Variants in MIB1 observed in about 807,000 individuals in gnomAD.
MIB1 encodes the protein MIB E3 ubiquitin protein ligase 1, also known as E3 ubiquitin-protein ligase MIB1.
Under a neutral mutation model 124.5 loss-of-function variants are expected in MIB1, and 278 were observed. The ratio of observed to expected loss-of-function variants is 2.23; its 90% confidence interval spans 2.02 to 2.47. MIB1 has a LOEUF of 2.47. MIB1 is among the 30% of genes most tolerant of loss of function. MIB1 has a pLI of 0.00. For missense variants in MIB1, 957 were observed against 1,254.4 expected, an observed-to-expected ratio of 0.76 and a Z score of 3.58; for synonymous variants, 446 against 429.4, an observed-to-expected ratio of 1.04 and a Z score of -0.48.
At chr18:21,796,482 G>A (rs760355402) in intron 7 of MIB1, among the ~76,000 whole-genome samples, 5 of 152,076 alleles carry the variant, frequency 3.3e-5, no homozygotes, top group Admixed American at 3.3e-4. Flanking sequence ...GTTGATAGGT[G>A]CAGCAGACCA....
At chr18:21,795,841 T>C (rs1568205339) in intron 7 of MIB1, among the ~76,000 whole-genome samples, 1 of 152,166 alleles carries the variant, frequency 6.6e-6, no homozygotes, top group Non-Finnish European at 1.5e-5. Flanking sequence ...TGTAGTAGCG[T>C]TGATATTGTT....
intron 1 of MIB1, among the ~76,000 whole-genome samples, chr18:21,728,524 A>G (rs1190460675): frequency 2.0e-5 from 3 of 152,002 alleles, no homozygotes; most frequent in Non-Finnish European, 2.9e-5. Flanking sequence ...CCCTAATCCA[A>G]TGTCTTCCTG....
intron 1 of MIB1, among the ~76,000 whole-genome samples, chr18:21,724,723 AAAAAATATATATATATATATATAT>A (rs1179557814): frequency 9.3e-5 from 5 of 53,866 alleles, no homozygotes; most frequent in Admixed American, 4.8e-4. Flanking sequence ...AAAAAAAAAA[AAAAAATATATATATATATATATAT>A]ATATATATAT....
intron 4 of MIB1, among the ~76,000 whole-genome samples, chr18:21,774,020 C>T (rs551661860): frequency 3.7e-4 from 56 of 152,112 alleles, no homozygotes; most frequent in Non-Finnish European, 6.6e-4. Context: ...CATTCCTTGA[C>T]GTGGATGGAC....
intron 10 of MIB1, among the ~76,000 whole-genome samples, chr18:21,814,391 CA>C (rs1274853676): frequency 7.0e-6 from 1 of 143,032 alleles, no homozygotes; most frequent in Non-Finnish European, 1.5e-5. Context: ...TTTTTTTTTT[CA>C]ATCACACAAC....
chr18:21,800,750 A>G (rs903481690), intron 9 of MIB1, among the ~76,000 whole-genome samples: 1 of 152,134 alleles, frequency 6.6e-6, no homozygotes, highest in Non-Finnish European at 1.5e-5. Context: ...CTATAATTGT[A>G]AAGTATTAAT....
intron 6 of MIB1, among the ~76,000 whole-genome samples, chr18:21,779,973 A>T (rs1020485522): frequency 1.3e-5 from 2 of 152,128 alleles, no homozygotes; most frequent in Admixed American, 1.3e-4. Flanking sequence ...AGGAGAATAC[A>T]TTATATCACT....
chr18:21,777,439 T>G (rs988021448), intron 4 of MIB1, among the ~76,000 whole-genome samples: 7 of 152,156 alleles, frequency 4.6e-5, no homozygotes, highest in Non-Finnish European at 8.8e-5. Context: ...GCTGTGCACA[T>G]TTCCAATAAT....
chr18:21,785,432 A>T (rs2041423951), intron 6 of MIB1, among the ~76,000 whole-genome samples: 1 of 152,228 alleles, frequency 6.6e-6, no homozygotes, highest in African/African-American at 2.4e-5. Flanking sequence ...TTATAGATAT[A>T]ACAAGTTATT....
intron 1 of MIB1, among the ~76,000 whole-genome samples, chr18:21,720,860 C>T (rs953089267): frequency 4.6e-5 from 7 of 152,074 alleles, no homozygotes; most frequent in African/African-American, 1.7e-4. Context: ...GAGGCTGAGG[C>T]AGGAGGATTG....
intron 3 of MIB1, among the ~76,000 whole-genome samples, chr18:21,769,458 C>T (rs747017653): frequency 3.3e-5 from 5 of 152,162 alleles, no homozygotes; most frequent in Admixed American, 1.3e-4. Context: ...ACATATTACA[C>T]GGCTGCAATC....
Position 21,863,240 on chromosome 18 carries a change from G to A in MIB1, c.2881-1286G>A, listed in dbSNP as rs144877242. Among the ~76,000 whole-genome samples, 31 of 152,310 alleles carry A rather than the reference G, an allele frequency of 2.0e-4. No individual in the cohort carries two copies. In the Middle Eastern group the frequency reaches 0.01, roughly 50 times the overall value. ...GTGCTCTCTTAGTTCTGCCGTCCAC[G>A]GACAGCGGTGTGTTATCAGCTCAGT... On this transcript the variant is annotated intron_variant, in intron 20 of 20. Transcript: ENST00000261537.
At chr18:21,772,811 G>C (rs2041237794) in intron 3 of MIB1, among the ~76,000 whole-genome samples, 1 of 152,126 alleles carries the variant, frequency 6.6e-6, no homozygotes, top group Non-Finnish European at 1.5e-5. Context: ...GATACTGTTG[G>C]AGGAGCAAAA....
chr18:21,801,000 T>A (rs1028739854), intron 9 of MIB1, among the ~76,000 whole-genome samples: 1 of 152,220 alleles, frequency 6.6e-6, no homozygotes, highest in African/African-American at 2.4e-5. Flanking sequence ...TAAATTATTT[T>A]AAAATTATTT....
chr18:21,843,313 C>A, intron 14 of MIB1, 96 bp downstream of exon 14: 1 of 725,870 alleles, frequency 1.4e-6, no homozygotes. Flanking sequence ...TGTTACATGT[C>A]TCAAGCTGGC....
chr18:21,831,665 G>T (rs1243929790), intron 12 of MIB1, among the ~76,000 whole-genome samples: 1 of 151,264 alleles, frequency 6.6e-6, no homozygotes, highest in Admixed American at 6.6e-5. Flanking sequence ...TTTTTTTGAG[G>T]GGGGGTAAGC....
intron 7 of MIB1, among the ~76,000 whole-genome samples, chr18:21,796,802 T>C (rs2041587038): frequency 6.6e-6 from 1 of 152,310 alleles, no homozygotes; most frequent in East Asian, 1.9e-4. Flanking sequence ...GTCACTGGTT[T>C]CTAGGACCAT....
chr18:21,853,169 GA>G lies in MIB1; in HGVS notation c.2619del (p.Ala874GlnfsTer20). The G allele has an allele frequency of 6.2e-7, 1 of 1,613,622 alleles. No homozygotes were observed. Among genetic ancestry groups the G allele is most frequent in the Non-Finnish European group, 8.5e-7 (1 of 1,179,726 alleles). ...AAGAATGTGTGGTATGCTCTGACAA[GA>G]AAGCAGCTGTTCTTTTTCAACCCTG... ...IEECVVCSDK[K>X]AAVLFQPCGH... On this transcript the variant is annotated frameshift_variant, in exon 18 of 21. Coordinates refer to ENST00000261537, the MANE Select transcript of MIB1 (RefSeq NM_020774.4). LOFTEE classifies it high-confidence loss of function.
rs2040840141 is a variant in MIB1, at chr18:21,740,878, A to G, written c.-706A>G. On this transcript the variant is annotated 5_prime_UTR_variant, in exon 1 of 21. Coordinates refer to ENST00000261537, the MANE Select transcript of MIB1 (RefSeq NM_020774.4). Reference sequence around the variant, plus strand: ...GGCTCTCTGGAAGCCTTCCCACTCTATTATTGCCGAGGATCCCCCTCCTAG... The same window carrying G: ...GGCTCTCTGGAAGCCTTCCCACTCTGTTATTGCCGAGGATCCCCCTCCTAG... Among the ~76,000 whole-genome samples the G allele has an allele frequency of 2.0e-5, 3 of 152,114 alleles. No homozygotes were observed. Among genetic ancestry groups the G allele is most frequent in the South Asian group, 2.1e-4 (1 of 4,830 alleles).
Sources: allele counts gnomAD v4.1 joint callset (sites outside exome capture counted in the v4.1 genomes callset), GRCh38; gene constraint gnomAD v4.1.1; transcripts MANE v1.5; gene names NCBI Gene and HGNC (gene_info 2026-07-23, HGNC 2026-07-21).